TMEM39B: variants seen among roughly 807,000 people sequenced by gnomAD.
TMEM39B encodes the protein transmembrane protein 39B.
TMEM39B carries 23 observed loss-of-function variants against 52.2 expected under a neutral mutation model. The ratio of observed to expected loss-of-function variants is 0.44; its 90% CI spans 0.32 to 0.62. The LOEUF (loss-of-function observed/expected upper bound fraction) is 0.62. TMEM39B is among the 20% of genes least tolerant of loss of function. The probability of loss-of-function intolerance (pLI) is 0.06; values close to 1 mark genes in which losing one functional copy is unlikely to be tolerated. For synonymous variants in TMEM39B, 285 were observed against 264.0 expected (o/e 1.08, Z -0.77); for missense variants, 547 against 642.0 (o/e 0.85, Z 1.60).
At chr1:32,073,864 T>C in intron 1 of TMEM39B, 1 of 985,402 alleles carries the variant, frequency 1.0e-6, no homozygotes, top group East Asian at 1.1e-4. Context: ...GCTGTGTTAC[T>C]GTGAAGAGGT....
chr1:32,081,104 A>G lies in TMEM39B; in HGVS notation c.590+3786A>G, dbSNP rs967012776. Among the ~76,000 whole-genome samples, 222 of 152,154 alleles carry G rather than the reference A, an allele frequency of 1.5e-3. 4 individuals are homozygous for G. The highest frequency in any genetic ancestry group is 6.3e-4 in the Non-Finnish European group (43 of 68,028). On this transcript the variant is annotated intron_variant, in intron 5 of 8. Coordinates refer to ENST00000336294, the MANE Select transcript of TMEM39B (RefSeq NM_018056.4). ...CTCCAGATTTTTAGTCCCACTCTTC[A>G]TAGAAAAACATTAGTCTCCAATCCC...
chr1:32,084,705 G>A (rs1014823254), intron 5 of TMEM39B, among the ~76,000 whole-genome samples: 1 of 152,050 alleles, frequency 6.6e-6, no homozygotes, highest in South Asian at 2.1e-4. Context: ...GAGTAGCTGG[G>A]ATTACAGGCA....
chr1:32,078,988 G>A (rs927561714), intron 5 of TMEM39B, among the ~76,000 whole-genome samples: 4 of 151,968 alleles, frequency 2.6e-5, no homozygotes, highest in African/African-American at 9.7e-5. Flanking sequence ...TATGCATGAT[G>A]TACAATTTAC....
At position 32,090,880 on chromosome 1, in the gene TMEM39B, TC is replaced by T. The variant is rs1640577730; in HGVS notation, c.591-793del. 3.9e-5 allele frequency among the ~76,000 whole-genome samples: 6 copies of T among 152,196 alleles called. No individual in the cohort carries two copies. In the South Asian group the frequency reaches 1.2e-3, roughly 32 times the overall value. Reference sequence around the variant, plus strand: ...TGGTCTCAATCTCCTTACCCTGTGATCCGCCCACCTCAGCCTCCCAAAGTGC... The same window carrying T: ...TGGTCTCAATCTCCTTACCCTGTGATCGCCCACCTCAGCCTCCCAAAGTGC... On this transcript the variant is annotated intron_variant, in intron 5 of 8. Coordinates refer to ENST00000336294, the MANE Select transcript of TMEM39B (RefSeq NM_018056.4).
chr1:32,076,551 C>T, intron 3 of TMEM39B: 1 of 688,806 alleles, frequency 1.5e-6, no homozygotes, highest in Non-Finnish European at 2.6e-6. Context: ...ACATACCACT[C>T]TCTTATCCCC....
chr1:32,097,456 G>C (rs941596536), intron 7 of TMEM39B, among the ~76,000 whole-genome samples: 2 of 150,394 alleles, frequency 1.3e-5, no homozygotes, highest in Non-Finnish European at 3.0e-5. Context: ...TCAGCCTCCC[G>C]AGTAGCTGGG....
At position 32,075,750 on chromosome 1, in the gene TMEM39B, C is replaced by T. The variant is rs371895778; in HGVS notation, c.279C>T (p.Phe93=). The T allele has an allele frequency of 1.0e-4, 161 of 1,551,376 alleles. No homozygotes were observed. Among genetic ancestry groups the T allele is most frequent in the African/African-American group, 1.6e-4 (12 of 73,160 alleles). The stretch of plus-strand genomic sequence containing the variant: ...TCTTCTGCCAGCTCATAGCACTCTT[C>T]GTCCACTACATCAACATCTACAAGA... ...QLFFCQLIAL[F]VHYINIYKTV... Residue 93 remains phenylalanine, a synonymous_variant, in exon 3 of 9, where the codon TTC becomes TTT. Transcript: ENST00000336294.
chr1:32,087,319 CAAAAAA>C (rs1207083221), intron 5 of TMEM39B, among the ~76,000 whole-genome samples: 1 of 29,016 alleles, frequency 3.4e-5, no homozygotes, highest in African/African-American at 1.3e-4. Context: ...CTCCGTCTCA[CAAAAAA>C]AAAAAAAAAA....
chr1:32,098,786 C>T (rs993304809), intron 7 of TMEM39B, among the ~76,000 whole-genome samples: 2 of 152,098 alleles, frequency 1.3e-5, no homozygotes, highest in African/African-American at 2.4e-5. Flanking sequence ...TTCACATGCT[C>T]ACTAGGGCCT....
In TMEM39B at chr1:32,091,550, A is replaced by AAACC. The variant is rs903173581; in HGVS notation, c.591-123_591-122insCCAA. The AAACC allele has an allele frequency of 3.4e-4, 372 of 1,088,356 alleles. 2 individuals carry two copies. The Middle Eastern group carries it at 8.3e-3, about 24-fold the overall frequency. The allele number at this position is 1,088,356 out of a possible 1,614,324, so 67.4% of individuals were successfully genotyped here. A position where few individuals can be genotyped will look rare whatever the true frequency, so the allele number is the denominator to read the frequency against. On this transcript the variant is annotated intron_variant, in intron 5 of 8. Transcript: ENST00000336294. ...AGGGTGGATGGATGGAAGGACTGGT[A>AAACC]AATTCTCCCCTCTGGGCAGCCAGGA...
chr1:32,073,180 C>T, intron 1 of TMEM39B, 129 bp downstream of exon 1: 2 of 1,138,790 alleles, frequency 1.8e-6, no homozygotes, highest in Non-Finnish European at 1.1e-6. Context: ...CGAGCGCAGA[C>T]GGGATCCCGC....
chr1:32,073,118 T>C, intron 1 of TMEM39B, 67 bp downstream of exon 1: 2 of 1,379,158 alleles, frequency 1.5e-6, no homozygotes, highest in Non-Finnish European at 1.9e-6. Flanking sequence ...GCCAGGCTGC[T>C]AATTGCTGCT....
intron 5 of TMEM39B, among the ~76,000 whole-genome samples, chr1:32,086,038 C>T (rs1640334520): frequency 6.6e-6 from 1 of 152,006 alleles, no homozygotes; most frequent in Non-Finnish European, 1.5e-5. Flanking sequence ...GGCTTTGAGC[C>T]TCCGTAGGCC....
chr1:32,097,057 G>A (rs891684861), intron 7 of TMEM39B, among the ~76,000 whole-genome samples: 1 of 151,876 alleles, frequency 6.6e-6, no homozygotes, highest in Non-Finnish European at 1.5e-5. Flanking sequence ...CACCCACCTC[G>A]ACCTCCCAGA....
At chr1:32,093,123 G>A (rs568346166) in intron 6 of TMEM39B, among the ~76,000 whole-genome samples, 1 of 151,966 alleles carries the variant, frequency 6.6e-6, no homozygotes, top group South Asian at 2.1e-4. Flanking sequence ...TTTTTAGACG[G>A]AGTCTCGCTC....
chr1:32,081,574 C>G lies in TMEM39B; in HGVS notation c.590+4256C>G, dbSNP rs191983511. On this transcript the variant is annotated intron_variant, in intron 5 of 8. Transcript: ENST00000336294. ...ACCAGCCTGGCCATCATGGTGAAAC[C>G]CTTTCTCTACTAAAAATACAAAAAT... Among the ~76,000 whole-genome samples, 50 of 152,154 alleles carry G rather than the reference C, an allele frequency of 3.3e-4. 1 individual carries two copies. In the South Asian group the frequency reaches 4.4e-3, roughly 13 times the overall value.
intron 4 of TMEM39B, 128 bp downstream of exon 4, chr1:32,076,974 G>T: frequency 1.5e-6 from 2 of 1,299,998 alleles, no homozygotes; most frequent in African/African-American, 1.5e-5. Context: ...CTTGGTTGAA[G>T]AACATTAGTT....
Position 32,100,581 on chromosome 1 carries a change from G to A in TMEM39B, c.1236+19G>A. 1.2e-6 allele frequency: 2 copies of A among 1,614,136 alleles called. No homozygotes were observed. Among genetic ancestry groups the A allele is most frequent in the South Asian group, 2.2e-5 (2 of 91,064 alleles). On this transcript the variant is annotated intron_variant, in intron 8 of 8. Coordinates refer to ENST00000336294, the MANE Select transcript of TMEM39B (RefSeq NM_018056.4). ...CTTCCATGTGAGTCTCCTCCCCGGG[G>A]AAGGAGGGTTGGGGCCTGAGAGGGT...
chr1:32,079,307 C>A (rs1207973361), intron 5 of TMEM39B, among the ~76,000 whole-genome samples: 1 of 151,940 alleles, frequency 6.6e-6, no homozygotes, highest in Non-Finnish European at 1.5e-5. Context: ...GCCTCAGCCT[C>A]CTGAGTAGCT....
Sources: allele counts gnomAD v4.1 joint callset (sites outside exome capture counted in the v4.1 genomes callset), GRCh38; gene constraint gnomAD v4.1.1; transcripts MANE v1.5; gene names NCBI Gene and HGNC (gene_info 2026-07-23, HGNC 2026-07-21).